The following CAMK2D variants were observed in gnomAD, a reference collection of about 807,000 sequenced individuals.
The protein encoded by CAMK2D is calcium/calmodulin-dependent protein kinase type II subunit delta.
Under a neutral mutation model 84.0 loss-of-function variants are expected in CAMK2D, and 37 were observed. The observed-to-expected ratio is 0.44, with a 90% CI of 0.34 to 0.58. CAMK2D has a LOEUF of 0.58. Ranked by LOEUF, CAMK2D falls within the 20% of genes least tolerant of loss-of-function variation. The pLI is 0.02. For synonymous variants in CAMK2D, 202 were observed against 212.5 expected (o/e 0.95, Z 0.43); for missense variants, 448 against 652.5 (o/e 0.69, Z 3.41).
At chr4:113,564,025 C>G (rs1414999549) in intron 4 of CAMK2D, among the ~76,000 whole-genome samples, 1 of 152,156 alleles carries the variant, frequency 6.6e-6, no homozygotes, top group African/African-American at 2.4e-5. Flanking sequence ...ATGGAGATAA[C>G]TAGTTTCTTT....
At chr4:113,552,770 AATTCTTACAAGTAAAATTACT>A in intron 4 of CAMK2D, among the ~76,000 whole-genome samples, 1 of 152,218 alleles carries the variant, frequency 6.6e-6, no homozygotes, top group East Asian at 1.9e-4. Flanking sequence ...CTGAAAGAGA[AATTCTTACAAGTAAAATTACT>A]GGGTGAAAGA....
chr4:113,738,741 A>T (rs1042199480), intron 2 of CAMK2D, among the ~76,000 whole-genome samples: 8 of 152,118 alleles, frequency 5.3e-5, no homozygotes, highest in Non-Finnish European at 1.2e-4. Context: ...TTTTCCCAAT[A>T]TGAACTTTCC....
intron 2 of CAMK2D, among the ~76,000 whole-genome samples, chr4:113,747,319 T>TAAAA (rs1554093409): frequency 0.02 from 3,015 of 147,320 alleles, 106 homozygotes; most frequent in African/African-American, 0.07. Context: ...TTTTTTTTTT[T>TAAAA]AAATTCAATA....
At chr4:113,701,794 G>C (rs1371388657) in intron 2 of CAMK2D, among the ~76,000 whole-genome samples, 1 of 151,940 alleles carries the variant, frequency 6.6e-6, no homozygotes, top group Admixed American at 6.6e-5. Flanking sequence ...CTGTAGCCTT[G>C]TCCTCCCTAG....
chr4:113,581,285 G>A (rs1369163777), intron 4 of CAMK2D, among the ~76,000 whole-genome samples: 4 of 151,884 alleles, frequency 2.6e-5, no homozygotes, highest in Admixed American at 6.6e-5. Flanking sequence ...AGGCCGAGGC[G>A]GGTGGATCAC....
Position 113,497,493 on chromosome 4 carries a change from A to G in CAMK2D, c.1135+2970T>C, listed in dbSNP as rs146666995. 3.7e-4 allele frequency among the ~76,000 whole-genome samples: 57 copies of G among 152,326 alleles called. No individual in the cohort carries two copies. The East Asian group carries it at 0.011, about 29-fold the overall frequency. On this transcript the variant is annotated intron_variant, in intron 16 of 20. Coordinates refer to ENST00000511664, the MANE Select transcript of CAMK2D (RefSeq NM_001321571.2). The stretch of plus-strand genomic sequence containing the variant: ...GGTGCTCCAGACTGAGGAACCATTA[A>G]TCTCTGACTACTTTTGCTTTCTTTT...
Position 113,489,530 on chromosome 4 carries a change from C to A in CAMK2D, c.1135+10933G>T, listed in dbSNP as rs2097801315. On this transcript the variant is annotated intron_variant, in intron 16 of 20. Transcript: ENST00000511664. Reference sequence around the variant, plus strand: ...TGTATATGTGCCACATTTTCTTAATCCAGTCTATCATTGTTGGACATTTGG... The same window carrying A: ...TGTATATGTGCCACATTTTCTTAATACAGTCTATCATTGTTGGACATTTGG... Among the ~76,000 whole-genome samples the A allele has an allele frequency of 2.0e-5, 3 of 151,218 alleles. No homozygotes were observed. The South Asian group carries it at 6.3e-4, about 32-fold the overall frequency.
chr4:113,536,961 C>T (rs907338719), intron 7 of CAMK2D, among the ~76,000 whole-genome samples: 2 of 152,096 alleles, frequency 1.3e-5, no homozygotes, highest in Non-Finnish European at 2.9e-5. Context: ...TGAGCATCTA[C>T]TATTTACACA....
At position 113,460,359 on chromosome 4, in the gene CAMK2D, T is replaced by A. The variant is rs1458154346; in HGVS notation, c.1212-118A>T. ...GAAGGAAAGAGCCTCTAAAAACACT[T>A]ACATACAAAAGTTCTATCATAAACC... On this transcript the variant is annotated intron_variant, in intron 17 of 20. Coordinates refer to ENST00000511664, the MANE Select transcript of CAMK2D (RefSeq NM_001321571.2). The A allele has an allele frequency of 8.5e-6, 6 of 705,406 alleles. No individual in the cohort carries two copies. In the East Asian group the frequency reaches 1.0e-4, roughly 12 times the overall value. 43.7% of individuals were successfully genotyped at this position (705,406 alleles called of 1,614,324 possible).
At chr4:113,471,804 AG>A (rs1368871422) in intron 16 of CAMK2D, among the ~76,000 whole-genome samples, 1 of 151,222 alleles carries the variant, frequency 6.6e-6, no homozygotes, top group African/African-American at 2.4e-5. Flanking sequence ...CACCCCTTTA[AG>A]GTTTCTAGTC....
chr4:113,758,030 A>C (rs1188164415), intron 2 of CAMK2D, among the ~76,000 whole-genome samples: 3 of 152,222 alleles, frequency 2.0e-5, no homozygotes, highest in African/African-American at 7.2e-5. Flanking sequence ...AGCACACAGA[A>C]GAAAATAAGA....
intron 3 of CAMK2D, among the ~76,000 whole-genome samples, chr4:113,610,373 T>G (rs1298807935): frequency 1.3e-5 from 2 of 152,226 alleles, no homozygotes; most frequent in East Asian, 1.9e-4. Context: ...GATTTTCTAC[T>G]ACAACCTGTT....
intron 16 of CAMK2D, among the ~76,000 whole-genome samples, chr4:113,468,649 AAC>A (rs2097507377): frequency 6.6e-6 from 1 of 152,150 alleles, no homozygotes; most frequent in Admixed American, 6.5e-5. Context: ...GAGGTTGAGG[AAC>A]AGTTACTGTG....
At chr4:113,729,305 C>A (rs1018267393) in intron 2 of CAMK2D, among the ~76,000 whole-genome samples, 1 of 152,166 alleles carries the variant, frequency 6.6e-6, no homozygotes, top group Non-Finnish European at 1.5e-5. Context: ...ACCATGCTCT[C>A]TTAAGATAAA....
chr4:113,614,646 C>T (rs562111480), intron 3 of CAMK2D, among the ~76,000 whole-genome samples: 1 of 152,230 alleles, frequency 6.6e-6, no homozygotes, highest in Admixed American at 6.5e-5. Flanking sequence ...ACCTCAGCTA[C>T]AGTAGAGCAC....
At chr4:113,604,814 T>G (rs1354523971) in intron 4 of CAMK2D, among the ~76,000 whole-genome samples, 4 of 152,230 alleles carry the variant, frequency 2.6e-5, no homozygotes, top group Non-Finnish European at 4.4e-5. Flanking sequence ...ATAAACTGTG[T>G]GATTCTCATC....
chr4:113,484,540 A>T (rs1035528060), intron 16 of CAMK2D, among the ~76,000 whole-genome samples: 7 of 152,118 alleles, frequency 4.6e-5, no homozygotes, highest in Non-Finnish European at 5.9e-5. Flanking sequence ...GAGATTTTTT[A>T]AAAAAGCCCT....
At chr4:113,730,030 G>A (rs895869208) in intron 2 of CAMK2D, among the ~76,000 whole-genome samples, 5 of 152,066 alleles carry the variant, frequency 3.3e-5, no homozygotes, top group South Asian at 4.1e-4. Flanking sequence ...ATTAACACCC[G>A]TGCACATCTT....
At chr4:113,569,718 A>G (rs912732161) in intron 4 of CAMK2D, among the ~76,000 whole-genome samples, 5 of 152,172 alleles carry the variant, frequency 3.3e-5, no homozygotes, top group East Asian at 1.9e-4. Flanking sequence ...AATTCATGCA[A>G]TTCTACCCTC....
Sources: allele counts gnomAD v4.1 joint callset (sites outside exome capture counted in the v4.1 genomes callset), GRCh38; gene constraint gnomAD v4.1.1; transcripts MANE v1.5; gene names NCBI Gene and HGNC (gene_info 2026-07-23, HGNC 2026-07-21).